CSMD1: variants seen among roughly 807,000 people sequenced by gnomAD.
CSMD1 encodes the protein CUB and Sushi multiple domains 1.
Under a neutral mutation model 417.5 loss-of-function variants are expected in CSMD1, and 213 were observed. That is an observed-to-expected ratio of 0.51 (90% CI 0.46 to 0.57). The LOEUF is 0.57. Among genes scored for constraint, CSMD1 ranks in the 20% least tolerant of loss-of-function variants. The probability of loss-of-function intolerance (pLI) is 0.00; values close to 1 mark genes in which losing one functional copy is unlikely to be tolerated. For missense variants in CSMD1, 6,923 were observed against 4,529.7 expected (o/e 1.53, Z -15.17); for synonymous variants, 2,862 against 1,736.8 (o/e 1.65, Z -16.11).
At chr8:3,217,995 A>G (rs145275551) in intron 29 of CSMD1, among the ~76,000 whole-genome samples, 7 of 152,284 alleles carry the variant, frequency 4.6e-5, no homozygotes, top group African/African-American at 1.2e-4. Flanking sequence ...CTTGTATTTT[A>G]TTTTGTTCAC....
At chr8:4,065,435 C>T (rs770620876) in intron 3 of CSMD1, among the ~76,000 whole-genome samples, 2 of 152,114 alleles carry the variant, frequency 1.3e-5, no homozygotes, top group African/African-American at 2.4e-5. Flanking sequence ...ATAATTGAAT[C>T]AATATAATAG....
intron 48 of CSMD1, among the ~76,000 whole-genome samples, chr8:3,090,322 A>AT (rs1814855836): frequency 8.5e-6 from 1 of 117,250 alleles, no homozygotes; most frequent in South Asian, 2.4e-4. Flanking sequence ...ATTTCAAAAA[A>AT]AAAAAAAAAA....
intron 50 of CSMD1, among the ~76,000 whole-genome samples, chr8:3,045,192 C>T (rs1199412459): frequency 5.9e-5 from 9 of 152,124 alleles, no homozygotes; most frequent in Non-Finnish European, 1.0e-4. Context: ...TTATTATAAA[C>T]GTTACATTTA....
chr8:4,209,200 CA>C (rs1297065326), intron 3 of CSMD1, among the ~76,000 whole-genome samples: 1 of 152,106 alleles, frequency 6.6e-6, no homozygotes, highest in African/African-American at 2.4e-5. Flanking sequence ...CTTTATCGCT[CA>C]CCTTTTCAAC....
At chr8:3,159,749 C>T (rs1053060412) in intron 38 of CSMD1, among the ~76,000 whole-genome samples, 9 of 152,330 alleles carry the variant, frequency 5.9e-5, no homozygotes, top group East Asian at 5.8e-4. Context: ...AGCTAATAAA[C>T]GGTCTGCTGG....
At chr8:4,303,422 G>GTT (rs71511194) in intron 3 of CSMD1, among the ~76,000 whole-genome samples, 2 of 85,250 alleles carry the variant, frequency 2.3e-5, no homozygotes, top group African/African-American at 4.8e-5. Context: ...GCAGGAAGCT[G>GTT]TTTTTTTTTT....
intron 18 of CSMD1, among the ~76,000 whole-genome samples, chr8:3,372,313 G>C (rs1260538277): frequency 6.6e-6 from 1 of 152,162 alleles, no homozygotes; most frequent in South Asian, 2.1e-4. Context: ...GGACACCTCT[G>C]TGACTGGGGG....
intron 1 of CSMD1, among the ~76,000 whole-genome samples, chr8:4,936,284 A>G (rs1446609899): frequency 1.3e-5 from 2 of 152,226 alleles, no homozygotes; most frequent in East Asian, 3.8e-4. Flanking sequence ...TGAAATTTCA[A>G]TTTTAAAATG....
intron 3 of CSMD1, among the ~76,000 whole-genome samples, chr8:4,103,542 AACTG>A (rs1208964854): frequency 2.0e-5 from 3 of 151,902 alleles, no homozygotes; most frequent in Admixed American, 1.3e-4. Context: ...ACACATGTAA[AACTG>A]ACTGCATCAA....
chr8:3,817,750 A>G (rs1801470347), intron 5 of CSMD1, among the ~76,000 whole-genome samples: 1 of 152,172 alleles, frequency 6.6e-6, no homozygotes, highest in African/African-American at 2.4e-5. Context: ...AATAACTTCC[A>G]GAAACAGAGG....
rs543834985 is a variant in CSMD1, at chr8:4,267,437, T to C, written c.415+152516A>G. 3.4e-3 allele frequency among the ~76,000 whole-genome samples: 501 copies of C among 148,442 alleles called. 63 individuals are homozygous for C. Among genetic ancestry groups the C allele is most frequent in the African/African-American group, 0.012 (485 of 41,134 alleles). ...AAAATGATAAGCTTCTACAGCAGAGTAAAAATAGTTTAAATAATATATAAT... is the reference window on the plus strand; with the variant it reads ...AAAATGATAAGCTTCTACAGCAGAGCAAAAATAGTTTAAATAATATATAAT... On this transcript the variant is annotated intron_variant, in intron 3 of 69. Transcript: ENST00000635120.
chr8:3,628,028 G>A (rs1456350472), intron 7 of CSMD1, among the ~76,000 whole-genome samples: 2 of 152,032 alleles, frequency 1.3e-5, no homozygotes, highest in African/African-American at 4.8e-5. Context: ...ATTCAAAAGG[G>A]CAATGTAATA....
intron 12 of CSMD1, among the ~76,000 whole-genome samples, chr8:3,449,827 A>T (rs748394373): frequency 1.3e-5 from 2 of 152,220 alleles, no homozygotes; most frequent in Admixed American, 6.5e-5. Flanking sequence ...CGAGAGCAAC[A>T]TTTATATCCA....
At chr8:3,439,149 AAAACCAAG>A (rs1814778596) in intron 12 of CSMD1, among the ~76,000 whole-genome samples, 2 of 125,984 alleles carry the variant, frequency 1.6e-5, no homozygotes, top group South Asian at 2.4e-4. Flanking sequence ...AAAAAAAAAA[AAAACCAAG>A]AAAAAAAAAA....
At chr8:3,971,949 C>G (rs1475861565) in intron 5 of CSMD1, among the ~76,000 whole-genome samples, 1 of 151,750 alleles carries the variant, frequency 6.6e-6, no homozygotes, top group Non-Finnish European at 1.5e-5. Context: ...ATTCTGTTGC[C>G]CAGGCTGGAG....
chr8:3,544,102 C>T (rs1202059848), intron 10 of CSMD1, among the ~76,000 whole-genome samples: 5 of 152,050 alleles, frequency 3.3e-5, no homozygotes, highest in Admixed American at 2.0e-4. Context: ...GCGACTCCAT[C>T]TTGAGTGAGG....
In CSMD1 at chr8:3,070,641, T is replaced by A. The variant is rs74955091; in HGVS notation, c.7474+16456A>T. Reference sequence around the variant, plus strand: ...ATTTCCATCTGAGACCCCATCAGCCTGGTCTTCATTGTTTATATCACCATT... The same window carrying A: ...ATTTCCATCTGAGACCCCATCAGCCAGGTCTTCATTGTTTATATCACCATT... On this transcript the variant is annotated intron_variant, in intron 49 of 69. Coordinates refer to ENST00000635120, the MANE Select transcript of CSMD1 (RefSeq NM_033225.6). Among the ~76,000 whole-genome samples, 690 of 152,332 alleles carry A rather than the reference T, an allele frequency of 4.5e-3. 6 individuals are homozygous for A. Among genetic ancestry groups the A allele is most frequent in the African/African-American group, 0.016 (665 of 41,576 alleles).
chr8:3,306,742 C>A (rs1465239855), intron 25 of CSMD1, among the ~76,000 whole-genome samples: 8 of 152,094 alleles, frequency 5.3e-5, no homozygotes, highest in Non-Finnish European at 1.2e-4. Context: ...TAAACAAGAA[C>A]TAAAAATAAA....
intron 1 of CSMD1, among the ~76,000 whole-genome samples, chr8:4,791,080 C>T (rs576627932): frequency 9.3e-5 from 14 of 151,056 alleles, no homozygotes; most frequent in Non-Finnish European, 1.5e-4. Context: ...GTGAGAGAGA[C>T]GGTGAGAGAG....
Sources: gnomAD v4.1 joint callset for allele counts (sites outside exome capture counted in the v4.1 genomes callset) on GRCh38, gnomAD v4.1.1 for gene constraint, MANE v1.5 for transcripts, NCBI Gene and HGNC (gene_info 2026-07-23, HGNC 2026-07-21) for gene names.